The following FGF12 variants were observed in gnomAD, a reference collection of about 807,000 sequenced individuals.
FGF12 encodes fibroblast growth factor 12.
Under a neutral mutation model 23.6 loss-of-function variants are expected in FGF12, and 14 were observed. The observed-to-expected ratio is 0.59, with a 90% CI of 0.39 to 0.93. FGF12 has a LOEUF of 0.93. Among genes scored for constraint, FGF12 ranks in the 40% least tolerant of loss-of-function variants. The probability of loss-of-function intolerance (pLI) is 0.00; values close to 1 mark genes in which losing one functional copy is unlikely to be tolerated. For synonymous variants in FGF12, 62 were observed against 77.3 expected, an observed-to-expected ratio of 0.80 and a Z score of 1.04; for missense variants, 175 against 217.8, an observed-to-expected ratio of 0.80 and a Z score of 1.24.
chr3:192,497,468 T>C (rs1467987949), intron 2 of FGF12, among the ~76,000 whole-genome samples: 1 of 152,238 alleles, frequency 6.6e-6, no homozygotes, highest in Non-Finnish European at 1.5e-5. Flanking sequence ...TAAATGTAAA[T>C]GGCTCATGCC....
intron 2 of FGF12, among the ~76,000 whole-genome samples, chr3:192,480,168 CA>C (rs796313286): frequency 1.3e-5 from 2 of 152,150 alleles, no homozygotes; most frequent in South Asian, 4.1e-4. Flanking sequence ...ACAACTGAAA[CA>C]ATTTCAGTGC....
At chr3:192,562,475 T>C (rs540192062) in intron 2 of FGF12, among the ~76,000 whole-genome samples, 1 of 152,314 alleles carries the variant, frequency 6.6e-6, no homozygotes, top group Admixed American at 6.5e-5. Context: ...ATGAAGGGAT[T>C]TCTTCAGTAA....
intron 2 of FGF12, among the ~76,000 whole-genome samples, chr3:192,447,902 T>C (rs1197420731): frequency 6.6e-6 from 1 of 152,338 alleles, no homozygotes; most frequent in East Asian, 1.9e-4. Context: ...TCTCAGGCAA[T>C]ACCCCCAAAG....
chr3:192,467,295 G>C (rs1035053877), intron 2 of FGF12, among the ~76,000 whole-genome samples: 1 of 152,156 alleles, frequency 6.6e-6, no homozygotes, highest in African/African-American at 2.4e-5. Flanking sequence ...CCCTCTATGG[G>C]CATCAGTTTC....
intron 2 of FGF12, among the ~76,000 whole-genome samples, chr3:192,648,480 A>G (rs1483740314): frequency 1.0e-5 from 1 of 100,314 alleles, no homozygotes; most frequent in Non-Finnish European, 2.3e-5. Flanking sequence ...AAGACTATTT[A>G]GATTTTTTTT....
chr3:192,711,426 C>T (rs892453769), intron 2 of FGF12, among the ~76,000 whole-genome samples: 5 of 150,552 alleles, frequency 3.3e-5, no homozygotes, highest in East Asian at 3.9e-4. Context: ...TCTGCCCGGC[C>T]GCCACCCCGT....
chr3:192,541,916 G>A (rs905186840), intron 2 of FGF12, among the ~76,000 whole-genome samples: 6 of 151,350 alleles, frequency 4.0e-5, no homozygotes, highest in African/African-American at 9.7e-5. Flanking sequence ...TCCATTGTAC[G>A]TTATTCATTT....
chr3:192,301,537 T>C (rs9859531), intron 4 of FGF12, among the ~76,000 whole-genome samples: 4,776 of 152,238 alleles, frequency 0.031, 243 homozygotes, highest in African/African-American at 0.11. Flanking sequence ...AGGCATTAGT[T>C]AAGTGAGTAA....
At chr3:192,588,344 C>A (rs1174965404) in intron 2 of FGF12, among the ~76,000 whole-genome samples, 2 of 73,292 alleles carry the variant, frequency 2.7e-5, no homozygotes, top group African/African-American at 4.6e-5. Flanking sequence ...AGCAACAATC[C>A]GTCTCAAAAA....
At chr3:192,717,319 T>G (rs1208045075) in intron 2 of FGF12, among the ~76,000 whole-genome samples, 2 of 152,198 alleles carry the variant, frequency 1.3e-5, no homozygotes, top group Non-Finnish European at 2.9e-5. Context: ...TTGACTTTTC[T>G]CATCCCTGAA....
chr3:192,616,695 T>C (rs563370331), intron 2 of FGF12, among the ~76,000 whole-genome samples: 3 of 152,108 alleles, frequency 2.0e-5, no homozygotes, highest in African/African-American at 7.2e-5. Context: ...GAGAGTTCTT[T>C]TCCAGCTTGG....
intron 2 of FGF12, among the ~76,000 whole-genome samples, chr3:192,417,843 C>T (rs760215430): frequency 6.6e-6 from 1 of 151,988 alleles, no homozygotes; most frequent in African/African-American, 2.4e-5. Flanking sequence ...GTGAGGGAAA[C>T]ATCATAGTTT....
At chr3:192,561,647 C>G (rs558127595) in intron 2 of FGF12, among the ~76,000 whole-genome samples, 1 of 152,160 alleles carries the variant, frequency 6.6e-6, no homozygotes, top group African/African-American at 2.4e-5. Context: ...CAGGCGTGAG[C>G]CACCGTGCCT....
chr3:192,374,144 A>G (rs1368682678), intron 2 of FGF12, among the ~76,000 whole-genome samples: 2 of 152,252 alleles, frequency 1.3e-5, no homozygotes, highest in Admixed American at 6.5e-5. Context: ...GTGTTACAGA[A>G]TCAAAAATAC....
At chr3:192,272,431 T>C (rs1288529589) in intron 4 of FGF12, among the ~76,000 whole-genome samples, 1 of 152,160 alleles carries the variant, frequency 6.6e-6, no homozygotes, top group Non-Finnish European at 1.5e-5. Flanking sequence ...AAAACATTTT[T>C]AAATAAAATA....
At chr3:192,308,324 A>G (rs1715758071) in intron 4 of FGF12, among the ~76,000 whole-genome samples, 1 of 152,248 alleles carries the variant, frequency 6.6e-6, no homozygotes, top group Non-Finnish European at 1.5e-5. Context: ...TTTGGAGGGC[A>G]AATGACATTG....
chr3:192,222,808 C>T (rs928636546), intron 4 of FGF12, among the ~76,000 whole-genome samples: 17 of 152,144 alleles, frequency 1.1e-4, no homozygotes, highest in African/African-American at 4.1e-4. Context: ...AAACCGAGTG[C>T]TCATCCTGGC....
At chr3:192,431,466 T>C (rs1308149155) in intron 2 of FGF12, among the ~76,000 whole-genome samples, 1 of 152,216 alleles carries the variant, frequency 6.6e-6, no homozygotes. Context: ...TTCTTGTATT[T>C]CTATTGCCAA....
intron 2 of FGF12, among the ~76,000 whole-genome samples, chr3:192,553,651 T>G (rs1711622990): frequency 1.3e-5 from 2 of 152,148 alleles, no homozygotes; most frequent in African/African-American, 4.8e-5. Context: ...CCAAATGCAT[T>G]GAAACCAGTA....
Sources: gnomAD v4.1 joint callset for allele counts (sites outside exome capture counted in the v4.1 genomes callset) on GRCh38, gnomAD v4.1.1 for gene constraint, MANE v1.5 for transcripts, NCBI Gene and HGNC (gene_info 2026-07-23, HGNC 2026-07-21) for gene names.